Variants in ARHGAP44 observed in about 807,000 individuals in gnomAD.
ARHGAP44 encodes rho GTPase-activating protein 44.
ARHGAP44 carries 43 observed loss-of-function variants against 106.8 expected under a neutral mutation model. The observed-to-expected ratio is 0.40, with a 90% CI of 0.32 to 0.52. The LOEUF (loss-of-function observed/expected upper bound fraction) is 0.52. Among genes scored for constraint, ARHGAP44 ranks in the 20% least tolerant of loss-of-function variants. The pLI is 0.48. For synonymous variants in ARHGAP44, 439 were observed against 410.3 expected, an observed-to-expected ratio of 1.07 and a Z score of -0.85; for missense variants, 866 against 1,050.5, an observed-to-expected ratio of 0.82 and a Z score of 2.43.
intron 1 of ARHGAP44, among the ~76,000 whole-genome samples, chr17:12,855,119 A>C (rs2035870495): frequency 6.6e-6 from 1 of 152,150 alleles, no homozygotes; most frequent in Admixed American, 6.5e-5. Context: ...GGGTAAAAGA[A>C]ATCTGCTCAG....
At chr17:12,864,775 A>G (rs3785726) in intron 1 of ARHGAP44, among the ~76,000 whole-genome samples, 113,668 of 152,094 alleles carry the variant, frequency 0.75, 42,585 homozygotes, top group African/African-American at 0.8. Context: ...TAGCATGCAA[A>G]AAAATAAAAG....
intron 13 of ARHGAP44, among the ~76,000 whole-genome samples, chr17:12,955,549 G>A (rs566798572): frequency 2.0e-5 from 3 of 152,294 alleles, no homozygotes; most frequent in Non-Finnish European, 4.4e-5. Context: ...AACATGGCAA[G>A]AAGTAATGGG....
chr17:12,910,697 C>T lies in ARHGAP44; in HGVS notation c.275+1724C>T, dbSNP rs141889654. The stretch of plus-strand genomic sequence containing the variant: ...CTGACCTCAAGTGATCCACCCTCCT[C>T]GGCCTCCCAAAGTACTGGGATTACA... On this transcript the variant is annotated intron_variant, in intron 4 of 20. Transcript: ENST00000379672. Among the ~76,000 whole-genome samples, 198 of 151,964 alleles carry T rather than the reference C, an allele frequency of 1.3e-3. 2 individuals are homozygous for T. Among genetic ancestry groups the T allele is most frequent in the African/African-American group, 3.2e-3 (131 of 41,470 alleles).
At chr17:12,848,154 C>T (rs1232687394) in intron 1 of ARHGAP44, among the ~76,000 whole-genome samples, 1 of 152,198 alleles carries the variant, frequency 6.6e-6, no homozygotes, top group Non-Finnish European at 1.5e-5. Context: ...CAGACTGTTT[C>T]TTATGACTTG....
intron 1 of ARHGAP44, among the ~76,000 whole-genome samples, chr17:12,831,968 TGA>T (rs948254818): frequency 5.9e-5 from 9 of 152,138 alleles, no homozygotes; most frequent in African/African-American, 2.2e-4. Flanking sequence ...CCATTTGTGT[TGA>T]GAGTCTTTAG....
chr17:12,873,861 G>A (rs1304288340), intron 1 of ARHGAP44, among the ~76,000 whole-genome samples: 5 of 152,032 alleles, frequency 3.3e-5, no homozygotes, highest in South Asian at 2.1e-4. Context: ...CCGAGATCAC[G>A]CCATTGCACT....
intron 1 of ARHGAP44, among the ~76,000 whole-genome samples, chr17:12,793,711 CAA>C (rs777188771): frequency 6.2e-5 from 8 of 129,432 alleles, no homozygotes; most frequent in Admixed American, 7.9e-5. Context: ...CCATCTCACA[CAA>C]AAAAAAAAAA....
chr17:12,814,857 C>A (rs1014372312), intron 1 of ARHGAP44, among the ~76,000 whole-genome samples: 3 of 151,938 alleles, frequency 2.0e-5, no homozygotes, highest in African/African-American at 7.3e-5. Context: ...CCCCAAAAAA[C>A]CCCCAAAAAA....
chr17:12,857,407 G>C (rs1412305812), intron 1 of ARHGAP44, among the ~76,000 whole-genome samples: 1 of 152,160 alleles, frequency 6.6e-6, no homozygotes, highest in Non-Finnish European at 1.5e-5. Context: ...TCATAACATG[G>C]CAGAGGGTGT....
chr17:12,889,604 C>T (rs1298484769), intron 1 of ARHGAP44, among the ~76,000 whole-genome samples: 1 of 152,194 alleles, frequency 6.6e-6, no homozygotes, highest in Admixed American at 6.5e-5. Context: ...TTTTAGCATT[C>T]TGCCTCTGAC....
chr17:12,919,868 G>C (rs769663293), intron 6 of ARHGAP44, 37 bp downstream of exon 6: 1 of 1,564,334 alleles, frequency 6.4e-7, no homozygotes, highest in South Asian at 1.2e-5. Flanking sequence ...CTTCTTTGAA[G>C]GGACAGTGAT....
intron 7 of ARHGAP44, among the ~76,000 whole-genome samples, chr17:12,933,205 T>G (rs1244212326): frequency 6.6e-6 from 1 of 152,242 alleles, no homozygotes; most frequent in Non-Finnish European, 1.5e-5. Context: ...TTTCCCCTGA[T>G]CTCTTCATGG....
At chr17:12,818,335 G>GAAAA (rs376432420) in intron 1 of ARHGAP44, among the ~76,000 whole-genome samples, 6,474 of 91,622 alleles carry the variant, frequency 0.071, 462 homozygotes, top group African/African-American at 0.2. Flanking sequence ...ATCTGGAAAA[G>GAAAA]AAAAAAAAAA....
chr17:12,947,616 C>A (rs557075626), intron 10 of ARHGAP44, among the ~76,000 whole-genome samples: 1 of 152,212 alleles, frequency 6.6e-6, no homozygotes. Context: ...ATAACAATCC[C>A]CTCCTCCACC....
In ARHGAP44 at chr17:12,894,999, T is replaced by C. The variant is rs1299621949; in HGVS notation, c.93+20T>C. ...CTTCAGGTAAGGCGGCCATTGACAC[T>C]GGCTCACAGATACCAGAGATATATG... On this transcript the variant is annotated intron_variant, in intron 2 of 20. Transcript: ENST00000379672. 1.3e-6 allele frequency: 2 copies of C among 1,576,246 alleles called. No homozygotes were observed. The highest frequency in any genetic ancestry group is 2.3e-5 in the South Asian group (2 of 85,862).
At chr17:12,861,730 G>A (rs2036089719) in intron 1 of ARHGAP44, among the ~76,000 whole-genome samples, 1 of 143,314 alleles carries the variant, frequency 7.0e-6, no homozygotes, top group South Asian at 2.2e-4. Context: ...CGCCTCCTGG[G>A]TTCAAGCGAT....
intron 1 of ARHGAP44, among the ~76,000 whole-genome samples, chr17:12,878,875 A>G (rs2036634540): frequency 6.6e-6 from 1 of 152,244 alleles, no homozygotes; most frequent in Admixed American, 6.5e-5. Flanking sequence ...TTAAGAACAA[A>G]TTTAAGCAGA....
intron 16 of ARHGAP44, among the ~76,000 whole-genome samples, chr17:12,967,384 A>AG (rs1344315452): frequency 6.6e-6 from 1 of 151,150 alleles, no homozygotes; most frequent in East Asian, 2.0e-4. Flanking sequence ...TTTAGTGGGC[A>AG]GATACACAAT....
At chr17:12,832,254 C>T (rs538875063) in intron 1 of ARHGAP44, among the ~76,000 whole-genome samples, 4 of 152,066 alleles carry the variant, frequency 2.6e-5, no homozygotes, top group Admixed American at 1.3e-4. Flanking sequence ...GTTGATTGGT[C>T]AGGTCAGAGA....
Sources: gnomAD v4.1 joint callset for allele counts (sites outside exome capture counted in the v4.1 genomes callset) on GRCh38, gnomAD v4.1.1 for gene constraint, MANE v1.5 for transcripts, NCBI Gene and HGNC (gene_info 2026-07-23, HGNC 2026-07-21) for gene names.